The following ACP6 variants were observed in gnomAD, a reference collection of about 807,000 sequenced individuals.
ACP6 encodes the protein acid phosphatase 6, lysophosphatidic.
ACP6 carries 48 observed loss-of-function variants against 48.1 expected under a neutral mutation model. The ratio of observed to expected loss-of-function variants is 1.00; its 90% CI spans 0.79 to 1.27. The LOEUF (loss-of-function observed/expected upper bound fraction) is 1.27. Among genes scored for constraint, ACP6 ranks in the 50% most tolerant of loss-of-function variants. ACP6 has a pLI of 0.00. For synonymous variants in ACP6, 172 were observed against 204.2 expected, an observed-to-expected ratio of 0.84 and a Z score of 1.34; for missense variants, 485 against 529.1, an observed-to-expected ratio of 0.92 and a Z score of 0.82.
chr1:147,648,363 T>C lies in ACP6; in HGVS notation c.1026A>G (p.Leu342=). The C allele has an allele frequency of 6.2e-7, 1 of 1,614,128 alleles. No individual in the cohort carries two copies. The part of the protein sequence containing the change: ...AAHDVTFIPL[L]MTLGIFDHKW... Reference sequence around the variant, plus strand: ...TGTGGTCAAAAATCCCCAGGGTCATTAAGAGCGGTATGAAGGTCACATCAT... The same window carrying C: ...TGTGGTCAAAAATCCCCAGGGTCATCAAGAGCGGTATGAAGGTCACATCAT... The change falls in exon 9 of 10, where the codon TTA becomes TTG. Residue 342 remains leucine (L), a synonymous_variant. Coordinates refer to ENST00000583509, the MANE Select transcript of ACP6 (RefSeq NM_016361.5).
chr1:147,657,233 T>C (rs1245562433), intron 4 of ACP6, among the ~76,000 whole-genome samples: 3 of 152,314 alleles, frequency 2.0e-5, no homozygotes, highest in Non-Finnish European at 4.4e-5. Context: ...TAAGGCACAC[T>C]TGAGTAGACA....
chr1:147,636,568 A>G (rs1659309362), intron 5 of ACP6, among the ~76,000 whole-genome samples: 1 of 152,210 alleles, frequency 6.6e-6, no homozygotes, highest in African/African-American at 2.4e-5. Flanking sequence ...GTCAAAGGTG[A>G]AAGTTTGAGT....
exon 6 of ACP6, chr1:147,630,487 T>C (rs1659137126): frequency 6.6e-6 from 1 of 152,238 alleles, no homozygotes; most frequent in Non-Finnish European, 1.5e-5. Flanking sequence ...GTTTCTCATC[T>C]TTACCAAGCT....
rs782376010 is a variant in ACP6 at position 147,670,098 on chromosome 1, C to G, written c.-50G>C. On this transcript the variant is annotated 5_prime_UTR_variant, in exon 1 of 10. Transcript: ENST00000583509. ...GGGTTGAGGCTGCAGGAGGCAAACA[C>G]AAGTCTTCTGCGGGCGCCGGGGCTC... is the stretch of plus-strand genomic sequence containing the variant. The G allele has an allele frequency of 7.0e-7, 1 of 1,437,444 alleles. No homozygotes were observed. Among genetic ancestry groups the G allele is most frequent in the African/African-American group, 1.4e-5 (1 of 70,028 alleles). 89.0% of individuals were successfully genotyped at this position (1,437,444 alleles called of 1,614,324 possible).
downstream of ACP6, among the ~76,000 whole-genome samples, chr1:147,641,143 C>A (rs587746847): frequency 6.6e-6 from 1 of 152,214 alleles, no homozygotes; most frequent in South Asian, 2.1e-4. Flanking sequence ...GATGGCGGTG[C>A]CCTAGAGGAT....
chr1:147,635,169 G>A (rs1659265081), intron 5 of ACP6, among the ~76,000 whole-genome samples: 1 of 152,150 alleles, frequency 6.6e-6, no homozygotes. Context: ...AAATCTGAGA[G>A]TATCTTCATT....
intron 9 of ACP6, 132 bp downstream of exon 9, chr1:147,648,114 A>G: frequency 9.5e-7 from 1 of 1,053,842 alleles, no homozygotes; most frequent in Non-Finnish European, 1.4e-6. Flanking sequence ...GTTGCCCTAT[A>G]GGATTCAGAG....
intron 8 of ACP6, among the ~76,000 whole-genome samples, chr1:147,649,515 GC>G (rs1659802145): frequency 6.6e-6 from 1 of 151,868 alleles, no homozygotes; most frequent in Non-Finnish European, 1.5e-5. Flanking sequence ...TGTGATCTTG[GC>G]TAACTGCAAC....
chr1:147,654,164 T>C (rs1410064589), intron 6 of ACP6, 30 bp downstream of exon 6: 3 of 1,609,022 alleles, frequency 1.9e-6, no homozygotes, highest in Non-Finnish European at 2.5e-6. Context: ...CCAAGGCTAT[T>C]ATCCCAGGCT....
Position 147,658,999 on chromosome 1 carries a change from G to T in ACP6, c.520C>A (p.Arg174Ser). Residue 174 changes from arginine (R) to serine (S), a missense_variant, in exon 4 of 10, where the codon CGT (arginine) becomes AGT (serine). Transcript: ENST00000583509. ...TNIFRNLEST[R>S]CLLAGLFQCQ... ...TGGAAAAGCCCAGCCAGCAAACAAC[G>T]GGTGGACTCCAGATTCCGAAAAATG... is the stretch of plus-strand genomic sequence containing the variant. 1 of 1,611,954 alleles carries T rather than the reference G, an allele frequency of 6.2e-7. No individual in the cohort carries two copies. Among genetic ancestry groups the T allele is most frequent in the African/African-American group, 1.3e-5 (1 of 74,890 alleles).
rs782769484 is a variant in ACP6 at position 147,650,202 on chromosome 1, G to C, written c.918C>G (p.His306Gln). 8.1e-6 allele frequency: 13 copies of C among 1,605,856 alleles called. No homozygotes were observed. The highest frequency in any genetic ancestry group is 1.1e-5 in the Non-Finnish European group (13 of 1,176,762). The change falls in exon 8 of 10, where the codon CAC becomes CAG. Residue 306 changes from histidine (H) to glutamine (Q), a missense_variant. Physicochemically the swap from His to Gln is conservative, Grantham distance 24. Transcript: ENST00000583509. ...SLQMAVGPFL[H>Q]ILESNLLKAM... ...CTTTCAGCAGGTTGCTCTCTAGGAT[G>C]TGGAGGAATGGGCCTACTGCCATCT...
chr1:147,670,178 G>A lies in ACP6; in HGVS notation c.-130C>T, dbSNP rs1661025671. ...GCGGATGCGTACATCCAGCCCTTCAGCAAGCAGGGACCGCTGTGCCTCCCG... is the reference window on the plus strand; with the variant it reads ...GCGGATGCGTACATCCAGCCCTTCAACAAGCAGGGACCGCTGTGCCTCCCG... On this transcript the variant is annotated 5_prime_UTR_variant, in exon 1 of 10. Coordinates refer to ENST00000583509, the MANE Select transcript of ACP6 (RefSeq NM_016361.5). The A allele has an allele frequency of 3.6e-6, 3 of 832,174 alleles. No homozygotes were observed. The highest frequency in any genetic ancestry group is 1.8e-6 in the Non-Finnish European group (1 of 553,766). The allele number at this position is 832,174 out of a possible 1,614,324, so 51.5% of individuals were successfully genotyped here. A position where few individuals can be genotyped will look rare whatever the true frequency, so the allele number is the denominator to read the frequency against.
At chr1:147,666,927 G>T (rs1239288037) in intron 1 of ACP6, among the ~76,000 whole-genome samples, 1 of 152,162 alleles carries the variant, frequency 6.6e-6, no homozygotes, top group African/African-American at 2.4e-5. Context: ...AATAAATAGG[G>T]ACCCAAATGT....
intron 5 of ACP6, among the ~76,000 whole-genome samples, chr1:147,637,039 T>C (rs984708083): frequency 6.6e-6 from 1 of 152,202 alleles, no homozygotes; most frequent in African/African-American, 2.4e-5. Flanking sequence ...ACAGCAACAC[T>C]TTAATAAGGT....
intron 5 of ACP6, among the ~76,000 whole-genome samples, chr1:147,632,407 G>A (rs587743870): frequency 6.6e-6 from 1 of 152,198 alleles, no homozygotes; most frequent in South Asian, 2.1e-4. Flanking sequence ...AGGGAAGAAG[G>A]ATCCATATGA....
Position 147,645,144 on chromosome 1 carries a change from CACAT to C in ACP6, c.*2275_*2278del, listed in dbSNP as rs1220722131. The C allele has an allele frequency of 2.6e-5, 4 of 151,704 alleles. No homozygotes were observed. Among genetic ancestry groups the C allele is most frequent in the African/African-American group, 9.7e-5 (4 of 41,360 alleles). 9.4% of individuals were successfully genotyped at this position (151,704 alleles called of 1,614,324 possible). On this transcript the variant is annotated 3_prime_UTR_variant, in exon 10 of 10. Coordinates refer to ENST00000583509, the MANE Select transcript of ACP6 (RefSeq NM_016361.5). Reference sequence around the variant, plus strand: ...AGGCACATTGTACTCCATAAATAGACACATACAGCCTTCCGAGTAGCTGGGATTA... The same window carrying C: ...AGGCACATTGTACTCCATAAATAGACACAGCCTTCCGAGTAGCTGGGATTA...
rs781825486 is a variant in ACP6, at chr1:147,652,442, C to T, written c.881+7G>A. 1.2e-6 allele frequency: 2 copies of T among 1,608,980 alleles called. No individual in the cohort carries two copies. Among genetic ancestry groups the T allele is most frequent in the Admixed American group, 1.7e-5 (1 of 59,560 alleles). ...GTGACTTCATGCCAGCAGTGAGAGC[C>T]CCTCACCTGTCTTCCTTGGGCAGTA... On this transcript the variant is annotated splice_region_variant and intron_variant, in intron 7 of 9. Coordinates refer to ENST00000583509, the MANE Select transcript of ACP6 (RefSeq NM_016361.5).
intron 5 of ACP6, among the ~76,000 whole-genome samples, chr1:147,635,072 C>T (rs1217681186): frequency 6.6e-6 from 1 of 152,214 alleles, no homozygotes; most frequent in Non-Finnish European, 1.5e-5. Context: ...AGGAGCTCTC[C>T]AGTCCTTAAA....
intron 7 of ACP6, chr1:147,652,000 C>A (rs1553210646): frequency 6.5e-6 from 1 of 154,842 alleles, no homozygotes; most frequent in South Asian, 2.0e-4. Flanking sequence ...GCTAGCTGGG[C>A]CTAGACCAGG....
Sources: gnomAD v4.1 joint callset for allele counts (sites outside exome capture counted in the v4.1 genomes callset) on GRCh38, gnomAD v4.1.1 for gene constraint, MANE v1.5 for transcripts, NCBI Gene and HGNC (gene_info 2026-07-23, HGNC 2026-07-21) for gene names.